The following TANC2 variants were observed in gnomAD, a reference collection of about 807,000 sequenced individuals.
TANC2 encodes tetratricopeptide repeat, ankyrin repeat and coiled-coil containing 2, also known as protein TANC2.
Under a neutral mutation model 210.5 loss-of-function variants are expected in TANC2, and 26 were observed. That is an observed-to-expected ratio of 0.12 (90% confidence interval 0.09 to 0.17). The LOEUF (loss-of-function observed/expected upper bound fraction) is 0.17, where lower values mean the gene tolerates loss of function less well. Ranked by LOEUF, TANC2 falls within the 10% of genes least tolerant of loss-of-function variation. The pLI is 1.00. For synonymous variants in TANC2, 931 were observed against 967.1 expected (o/e 0.96, Z 0.69); for missense variants, 2,129 against 2,608.9 (o/e 0.82, Z 4.01).
At chr17:63,198,734 G>A (rs577470667) in intron 6 of TANC2, among the ~76,000 whole-genome samples, 9 of 151,714 alleles carry the variant, frequency 5.9e-5, no homozygotes, top group Non-Finnish European at 1.2e-4. Flanking sequence ...ATATTACTGT[G>A]TGCCTAGTTA....
At chr17:63,177,818 G>T (rs1598537287) in intron 5 of TANC2, among the ~76,000 whole-genome samples, 1 of 152,164 alleles carries the variant, frequency 6.6e-6, no homozygotes, top group East Asian at 1.9e-4. Context: ...CACATTTCAA[G>T]CCTCTCCTCG....
At chr17:63,187,530 A>C (rs1000800287) in intron 5 of TANC2, among the ~76,000 whole-genome samples, 7 of 145,332 alleles carry the variant, frequency 4.8e-5, no homozygotes, top group South Asian at 4.6e-4. Flanking sequence ...CAGAGAGAAC[A>C]ACCACCAAAA....
intron 2 of TANC2, among the ~76,000 whole-genome samples, chr17:63,057,770 T>G (rs1400280242): frequency 6.6e-6 from 1 of 152,216 alleles, no homozygotes; most frequent in Non-Finnish European, 1.5e-5. Context: ...ATCTTGTTCT[T>G]TTTTATGGCT....
chr17:63,421,698 A>G lies in TANC2; in HGVS notation c.5968A>G (p.Thr1990Ala). The G allele has an allele frequency of 6.2e-7, 1 of 1,613,970 alleles. No individual in the cohort carries two copies. The highest frequency in any genetic ancestry group is 8.5e-7 in the Non-Finnish European group (1 of 1,179,884). Residue 1990 changes from threonine to alanine, a missense_variant, in exon 28 of 28, where the codon ACC becomes GCC. By Grantham distance (58) the Thr-to-Ala change is moderately conservative (BLOSUM62 0). Around this residue, in one of 5 missense-constraint regions of TANC2, gnomAD observed 161 missense variants for 178.6 expected, o/e 0.90. Transcript: ENST00000689528. The surrounding 1 kb of genome is among the most constrained non-coding windows in gnomAD (Gnocchi z 6.9). ...CAGCAACATTGCCTTTTATAACAAA[A>G]CCAACAATGCACAGAATGGCCATTT...
In TANC2 at chr17:63,082,227, T is replaced by C. The variant is rs145822140; in HGVS notation, c.139+8213T>C. Among the ~76,000 whole-genome samples the C allele has an allele frequency of 2.8e-3, 428 of 151,204 alleles. 1 individual carries two copies. Among genetic ancestry groups the C allele is most frequent in the African/African-American group, 1.0e-2 (414 of 41,484 alleles). The stretch of plus-strand genomic sequence containing the variant: ...TCTAGAAAGATTTTATTTTAAAATA[T>C]TCTTATGTGAATTTTTCTGGTAAGA... On this transcript the variant is annotated intron_variant, in intron 3 of 27. Transcript: ENST00000689528.
At chr17:63,325,680 G>C (rs1435668711) in intron 11 of TANC2, among the ~76,000 whole-genome samples, 3 of 152,218 alleles carry the variant, frequency 2.0e-5, no homozygotes, top group Non-Finnish European at 4.4e-5. Flanking sequence ...ATTAATATTT[G>C]TGAATGAATG....
chr17:63,360,613 G>A (rs961030788), intron 14 of TANC2, among the ~76,000 whole-genome samples: 6 of 152,130 alleles, frequency 3.9e-5, no homozygotes, highest in Non-Finnish European at 5.9e-5. Flanking sequence ...ATCACCTCAA[G>A]CAGTTATCCT....
intron 2 of TANC2, among the ~76,000 whole-genome samples, chr17:63,060,208 A>G (rs189180476): frequency 1.2e-4 from 19 of 152,282 alleles, no homozygotes; most frequent in Non-Finnish European, 1.6e-4. Flanking sequence ...AATTATTGAA[A>G]TCAGTTAATT....
chr17:63,176,973 C>T (rs574271715), intron 5 of TANC2, among the ~76,000 whole-genome samples: 10 of 151,910 alleles, frequency 6.6e-5, no homozygotes, highest in African/African-American at 2.4e-4. Flanking sequence ...TCAAAATTTA[C>T]TGAATTGCGG....
intron 2 of TANC2, among the ~76,000 whole-genome samples, chr17:63,016,231 A>G (rs1410721395): frequency 6.6e-6 from 1 of 152,234 alleles, no homozygotes; most frequent in Non-Finnish European, 1.5e-5. Flanking sequence ...AAAATTTTAA[A>G]CCACATTATT....
At chr17:63,011,283 T>C (rs1290663961) in intron 2 of TANC2, among the ~76,000 whole-genome samples, 1 of 152,144 alleles carries the variant, frequency 6.6e-6, no homozygotes, top group African/African-American at 2.4e-5. Context: ...GAATTCTAGC[T>C]TAATTATACT....
intron 14 of TANC2, among the ~76,000 whole-genome samples, chr17:63,361,960 C>T (rs1026528356): frequency 2.6e-5 from 4 of 152,190 alleles, no homozygotes; most frequent in Non-Finnish European, 5.9e-5. Flanking sequence ...CAGGTTGTCC[C>T]GACAAGTGTA....
intron 19 of TANC2, among the ~76,000 whole-genome samples, chr17:63,403,523 A>G (rs1393941616): frequency 6.6e-6 from 1 of 152,212 alleles, no homozygotes; most frequent in African/African-American, 2.4e-5. Flanking sequence ...AGGGAGCATC[A>G]CTTATATTTA....
At chr17:63,210,327 A>G (rs184580897) in intron 7 of TANC2, among the ~76,000 whole-genome samples, 21 of 152,260 alleles carry the variant, frequency 1.4e-4, no homozygotes, top group African/African-American at 5.1e-4. Context: ...TCTTTTCATC[A>G]TGGACACATG....
chr17:63,292,449 A>G (rs1281389232), intron 9 of TANC2, among the ~76,000 whole-genome samples: 2 of 152,232 alleles, frequency 1.3e-5, no homozygotes, highest in African/African-American at 4.8e-5. Context: ...AAAATAAATA[A>G]TTTGATTTAA....
At chr17:63,314,942 A>G (rs111346327) in intron 10 of TANC2, among the ~76,000 whole-genome samples, 14 of 152,280 alleles carry the variant, frequency 9.2e-5, no homozygotes, top group African/African-American at 3.1e-4. Context: ...ACTGTCCTCT[A>G]GATAACGACC....
chr17:63,336,863 A>G (rs1030973600), intron 11 of TANC2, among the ~76,000 whole-genome samples: 1 of 152,224 alleles, frequency 6.6e-6, no homozygotes, highest in African/African-American at 2.4e-5. Context: ...GAGTAGACTA[A>G]TCCTGAACCA....
At chr17:63,183,289 C>T (rs74319758) in intron 5 of TANC2, among the ~76,000 whole-genome samples, 3,630 of 152,296 alleles carry the variant, frequency 0.024, 59 homozygotes, top group Non-Finnish European at 0.038. Flanking sequence ...AGAAATAATT[C>T]CTATTTTTTT....
intron 4 of TANC2, among the ~76,000 whole-genome samples, chr17:63,103,330 AT>A (rs1225211327): frequency 6.6e-6 from 1 of 152,182 alleles, no homozygotes; most frequent in Non-Finnish European, 1.5e-5. Context: ...AGTTTGACTC[AT>A]TTTCAGTCTG....
Sources: gnomAD v4.1 joint callset for allele counts (sites outside exome capture counted in the v4.1 genomes callset) on GRCh38, gnomAD v4.1.1 for gene constraint, gnomAD v4.1.1 regional missense constraint, Gnocchi (gnomAD v3.1) non-coding constraint, MANE v1.5 for transcripts, NCBI Gene and HGNC (gene_info 2026-07-23, HGNC 2026-07-21) for gene names.